The following PPP6R2 variants were observed in gnomAD, a reference collection of about 807,000 sequenced individuals.
The protein encoded by PPP6R2 is serine/threonine-protein phosphatase 6 regulatory subunit 2.
Under a neutral mutation model 100.2 loss-of-function variants are expected in PPP6R2, and 62 were observed. The observed-to-expected ratio is 0.62, with a 90% CI of 0.50 to 0.76. PPP6R2 has a LOEUF of 0.76. Among genes scored for constraint, PPP6R2 ranks in the 30% least tolerant of loss-of-function variants. The pLI is 0.00. For missense variants in PPP6R2, 1,142 were observed against 1,276.3 expected (o/e 0.89, Z 1.60); for synonymous variants, 525 against 514.7 (o/e 1.02, Z -0.27).
intron 4 of PPP6R2, among the ~76,000 whole-genome samples, chr22:50,411,219 C>T (rs530354227): frequency 2.0e-5 from 3 of 152,252 alleles, no homozygotes; most frequent in African/African-American, 4.8e-5. Flanking sequence ...TTTGGGAGGC[C>T]GAGGTGAGTG....
At chr22:50,385,039 G>A (rs554157187) in intron 2 of PPP6R2, among the ~76,000 whole-genome samples, 16 of 152,044 alleles carry the variant, frequency 1.1e-4, no homozygotes, top group African/African-American at 3.9e-4. Context: ...CTGAGCTACT[G>A]TACCTAACCT....
At position 50,423,025 on chromosome 22, in the gene PPP6R2, C is replaced by T. The variant is rs143240003; in HGVS notation, c.973-437C>T. On this transcript the variant is annotated intron_variant, in intron 9 of 23. Coordinates refer to ENST00000612753, the MANE Select transcript of PPP6R2 (RefSeq NM_001242898.2). The surrounding 1 kb of genome is among the most constrained non-coding windows in gnomAD (Gnocchi z 4.8). ...CCGCGGTCCATCGGAGGAGGCATTC[C>T]CGTCAGTGTCCCCAAAGTGTGTTCA... Among the ~76,000 whole-genome samples the T allele has an allele frequency of 3.7e-3, 559 of 152,254 alleles. 3 individuals are homozygous for T. Among genetic ancestry groups the T allele is most frequent in the Non-Finnish European group, 6.3e-3 (430 of 68,014 alleles).
Position 50,396,272 on chromosome 22 carries a change from A to G in PPP6R2, c.227+2137A>G, listed in dbSNP as rs545117841. 5.4e-5 allele frequency among the ~76,000 whole-genome samples: 8 copies of G among 149,036 alleles called. No individual in the cohort carries two copies. In the East Asian group the frequency reaches 6.1e-4, roughly 11 times the overall value. Reference sequence around the variant, plus strand: ...AACACTTTGGGAGGCCAAGGCGGGCAGATCACGAGGTCAGGAGTTCGAGAC... The same window carrying G: ...AACACTTTGGGAGGCCAAGGCGGGCGGATCACGAGGTCAGGAGTTCGAGAC... On this transcript the variant is annotated intron_variant, in intron 3 of 23. Coordinates refer to ENST00000612753, the MANE Select transcript of PPP6R2 (RefSeq NM_001242898.2).
intron 6 of PPP6R2, among the ~76,000 whole-genome samples, chr22:50,416,629 CCTACA>C (rs1292131785): frequency 6.6e-6 from 1 of 151,948 alleles, no homozygotes; most frequent in East Asian, 2.0e-4. Context: ...CCATGCCTGG[CCTACA>C]CTTTTTTTTC....
intron 1 of PPP6R2, among the ~76,000 whole-genome samples, chr22:50,359,534 T>A (rs573587262): frequency 2.5e-4 from 38 of 150,214 alleles, no homozygotes; most frequent in Middle Eastern, 3.4e-3. Context: ...TGTTTTTTTT[T>A]ATGATGAAAA....
At chr22:50,383,864 C>G (rs2053625268) in intron 2 of PPP6R2, among the ~76,000 whole-genome samples, 1 of 151,902 alleles carries the variant, frequency 6.6e-6, no homozygotes, top group South Asian at 2.1e-4. Flanking sequence ...TGGTGAAATC[C>G]TGTTTCTACT....
chr22:50,413,999 T>C (rs1483717424), intron 4 of PPP6R2, among the ~76,000 whole-genome samples: 2 of 152,216 alleles, frequency 1.3e-5, no homozygotes, highest in Non-Finnish European at 2.9e-5. Context: ...CACGCTTAGC[T>C]GTCTACACCT....
At chr22:50,338,698 T>TGTGTGTAGG (rs2042332025), upstream of PPP6R2, among the ~76,000 whole-genome samples, 1 of 134,800 alleles carries the variant, frequency 7.4e-6, no homozygotes, top group Admixed American at 7.4e-5. Flanking sequence ...GTGTGTGTGG[T>TGTGTGTAGG]GTGTGTAGGG....
intron 3 of PPP6R2, among the ~76,000 whole-genome samples, chr22:50,403,156 G>A (rs1190842574): frequency 6.6e-6 from 1 of 152,064 alleles, no homozygotes; most frequent in Non-Finnish European, 1.5e-5. Context: ...GCAGTGAGCT[G>A]AGATAGCACC....
chr22:50,405,554 G>C, intron 3 of PPP6R2, among the ~76,000 whole-genome samples: 2 of 136,650 alleles, frequency 1.5e-5, no homozygotes, highest in Admixed American at 7.1e-5. Flanking sequence ...GGCCTGGAGA[G>C]AGGTGAGAGG....
At chr22:50,438,923 G>A (rs1036640439) in intron 19 of PPP6R2, among the ~76,000 whole-genome samples, 161 bp downstream of exon 19, 1 of 152,214 alleles carries the variant, frequency 6.6e-6, no homozygotes, top group Non-Finnish European at 1.5e-5. Flanking sequence ...CTGAGTAGGG[G>A]TCTGTGCTGC....
intron 12 of PPP6R2, among the ~76,000 whole-genome samples, chr22:50,432,587 C>A (rs902255656): frequency 6.6e-6 from 1 of 152,120 alleles, no homozygotes; most frequent in Non-Finnish European, 1.5e-5. Flanking sequence ...CTGCTCTGGC[C>A]CCCGCCCAGC....
chr22:50,343,339 G>T lies in PPP6R2; in HGVS notation c.-359G>T. On this transcript the variant is annotated 5_prime_UTR_variant, in exon 1 of 24. Transcript: ENST00000612753. ...CCCGTGCGCCGCCGCCGCCATTTTGGAGCGATCGGAGTGCCGCCCGCGGCC... is the reference window on the plus strand; with the variant it reads ...CCCGTGCGCCGCCGCCGCCATTTTGTAGCGATCGGAGTGCCGCCCGCGGCC... 1 of 150,548 alleles carries T rather than the reference G, an allele frequency of 6.6e-6. No individual in the cohort carries two copies. The highest frequency in any genetic ancestry group is 1.9e-4 in the South Asian group (1 of 5,240). The allele number at this position is 150,548 out of a possible 1,614,324, so 9.3% of individuals were successfully genotyped here.
In PPP6R2 at chr22:50,439,819, A is replaced by G; in HGVS notation, c.2247A>G (p.Lys749=). Residue 749 remains lysine, a synonymous_variant, in exon 20 of 24, where the codon AAA becomes AAG. Transcript: ENST00000612753. ...CTGGCACCTCAGCTCCAGAGGAGAAAGGCTGGGCCAAGTTCACTGACTTCC... is the reference window on the plus strand; with the variant it reads ...CTGGCACCTCAGCTCCAGAGGAGAAGGGCTGGGCCAAGTTCACTGACTTCC... ...WAAGTSAPEE[K]GWAKFTDFQP... is the part of the protein sequence containing the mutation. 4.3e-6 allele frequency: 7 copies of G among 1,613,780 alleles called. No individual in the cohort carries two copies. The highest frequency in any genetic ancestry group is 5.1e-6 in the Non-Finnish European group (6 of 1,179,900).
intron 2 of PPP6R2, among the ~76,000 whole-genome samples, chr22:50,375,322 A>C (rs2051242396): frequency 6.6e-6 from 1 of 152,232 alleles, no homozygotes; most frequent in South Asian, 2.1e-4. Context: ...TTTTGGATCA[A>C]AATCTAACTG....
At chr22:50,334,054 G>A in the PPP6R2 span, among the ~76,000 whole-genome samples, 17 of 152,342 alleles carry the variant, frequency 1.1e-4, no homozygotes, top group African/African-American at 4.1e-4. Flanking sequence ...CACTAACTTT[G>A]CTACTGCTAT....
upstream of PPP6R2, among the ~76,000 whole-genome samples, chr22:50,339,692 T>G (rs2042347527): frequency 7.9e-6 from 1 of 125,930 alleles, no homozygotes; most frequent in African/African-American, 3.1e-5. Flanking sequence ...TGTGGTGTGA[T>G]TGGTGTGTAG....
At chr22:50,403,197 A>G (rs2058322062) in intron 3 of PPP6R2, among the ~76,000 whole-genome samples, 3 of 151,524 alleles carry the variant, frequency 2.0e-5, no homozygotes, top group Admixed American at 6.6e-5. Flanking sequence ...ACAGAGCAAG[A>G]CTCTGTCTCA....
upstream of PPP6R2, among the ~76,000 whole-genome samples, chr22:50,340,243 TGGTGTGTGTGGAG>T (rs1191990215): frequency 1.1e-5 from 1 of 93,576 alleles, no homozygotes. Flanking sequence ...GTGGTGTGTG[TGGTGTGTGTGGAG>T]GGTGTGTGTG....
Sources: allele counts gnomAD v4.1 joint callset (sites outside exome capture counted in the v4.1 genomes callset), GRCh38; gene constraint gnomAD v4.1.1; non-coding constraint Gnocchi (gnomAD v3.1); transcripts MANE v1.5; gene names NCBI Gene and HGNC (gene_info 2026-07-23, HGNC 2026-07-21).